The following PDZD2 variants were observed in gnomAD, a reference collection of about 807,000 sequenced individuals.
PDZD2 encodes the protein PDZ domain containing 2, also known as PDZ domain-containing protein 2.
In PDZD2, 90 loss-of-function variants were observed where a neutral mutation model predicts 220.7. That is an observed-to-expected ratio of 0.41 (90% CI 0.34 to 0.49). PDZD2 has a LOEUF of 0.49. Ranked by LOEUF, PDZD2 falls within the 20% of genes least tolerant of loss-of-function variation. The probability of loss-of-function intolerance (pLI) is 0.28; values close to 1 mark genes in which losing one functional copy is unlikely to be tolerated. For missense variants in PDZD2, 3,174 were observed against 3,608.5 expected (o/e 0.88, Z 3.08); for synonymous variants, 1,375 against 1,450.5 (o/e 0.95, Z 1.18).
chr5:31,728,023 A>T (rs1462635034), intron 1 of PDZD2, among the ~76,000 whole-genome samples: 1 of 139,902 alleles, frequency 7.1e-6, no homozygotes, highest in Non-Finnish European at 1.6e-5. Flanking sequence ...AAAAAAAAAG[A>T]TCAGGCAGAA....
chr5:32,052,335 G>A (rs542453010), intron 8 of PDZD2, among the ~76,000 whole-genome samples: 22 of 152,242 alleles, frequency 1.4e-4, no homozygotes, highest in South Asian at 4.1e-4. Context: ...TATTAGAGCC[G>A]GGGTTTCACC....
intron 2 of PDZD2, among the ~76,000 whole-genome samples, chr5:31,850,051 CGT>C (rs1757917307): frequency 1.5e-5 from 1 of 68,080 alleles, no homozygotes; most frequent in East Asian, 2.7e-4. Flanking sequence ...TATATATATA[CGT>C]GTATATATAA....
chr5:31,774,921 G>C (rs968823973), intron 1 of PDZD2, among the ~76,000 whole-genome samples: 1 of 152,126 alleles, frequency 6.6e-6, no homozygotes, highest in African/African-American at 2.4e-5. Flanking sequence ...GGCAGGGAGG[G>C]GCCATCCTGA....
intron 2 of PDZD2, among the ~76,000 whole-genome samples, chr5:31,860,683 G>A (rs7700791): frequency 0.11 from 16,420 of 152,180 alleles, 1,276 homozygotes; most frequent in East Asian, 0.41. Flanking sequence ...AAAACCAGCC[G>A]CTGAAGAATG....
At chr5:31,895,022 T>C (rs1237035079) in intron 2 of PDZD2, among the ~76,000 whole-genome samples, 2 of 152,168 alleles carry the variant, frequency 1.3e-5, no homozygotes, top group East Asian at 3.9e-4. Context: ...CCCGAGTAGC[T>C]GGGATTACAG....
intron 2 of PDZD2, among the ~76,000 whole-genome samples, chr5:31,845,254 C>A (rs989227592): frequency 2.0e-5 from 3 of 152,158 alleles, no homozygotes; most frequent in African/African-American, 2.4e-5. Flanking sequence ...CCTCAACAAG[C>A]CTTTAAGGTA....
chr5:32,102,634 C>T (rs1469518015), intron 24 of PDZD2, among the ~76,000 whole-genome samples: 1 of 151,926 alleles, frequency 6.6e-6, no homozygotes. Context: ...CTATAAGAGC[C>T]CTCACAACAG....
rs543907642 is a variant in PDZD2 at position 31,923,602 on chromosome 5, G to A, written c.477-59553G>A. 896 of 750,100 alleles carry A rather than the reference G, an allele frequency of 1.2e-3. 3 individuals are homozygous for A. Among genetic ancestry groups the A allele is most frequent in the Non-Finnish European group, 1.8e-3 (739 of 405,602 alleles). 46.5% of individuals were successfully genotyped at this position (750,100 alleles called of 1,614,324 possible). On this transcript the variant is annotated intron_variant, in intron 2 of 24. Transcript: ENST00000438447. ...GCATGAAAGATGTGTGCTCTGGCTC[G>A]GATAAGAGATGGGACATCATTCAGT...
At chr5:31,775,926 G>C (rs563599092) in intron 1 of PDZD2, among the ~76,000 whole-genome samples, 6 of 152,160 alleles carry the variant, frequency 3.9e-5, no homozygotes, top group African/African-American at 1.2e-4. Flanking sequence ...TTTGACTAAG[G>C]CTTCATGAGT....
chr5:31,681,999 AG>A (rs1247318512), intron 1 of PDZD2, among the ~76,000 whole-genome samples: 1 of 152,234 alleles, frequency 6.6e-6, no homozygotes, highest in African/African-American at 2.4e-5. Flanking sequence ...GGACCAAAAG[AG>A]GGCTGTAATT....
At position 32,052,603 on chromosome 5, in the gene PDZD2, A is replaced by C; in HGVS notation, c.1666-8A>C. On this transcript the variant is annotated splice_polypyrimidine_tract_variant and splice_region_variant and intron_variant, in intron 8 of 24. Transcript: ENST00000438447. ...TAATCTCTGACCTTGCCGTGTGCTG[A>C]CTTTTAGGAATACCACATTGTGAAG... The C allele has an allele frequency of 5.6e-6, 9 of 1,613,634 alleles. No individual in the cohort carries two copies. Among genetic ancestry groups the C allele is most frequent in the Non-Finnish European group, 7.6e-6 (9 of 1,179,546 alleles).
At chr5:32,040,704 T>G (rs1198660504) in intron 7 of PDZD2, among the ~76,000 whole-genome samples, 1 of 121,822 alleles carries the variant, frequency 8.2e-6, no homozygotes, top group Non-Finnish European at 1.7e-5. Context: ...TCTGCCTGGC[T>G]GCCCTGTCTA....
At chr5:31,840,517 G>A in intron 2 of PDZD2, 1 of 544,110 alleles carries the variant, frequency 1.8e-6, no homozygotes, top group Admixed American at 2.6e-5. Flanking sequence ...ATAGGGAATG[G>A]GTTCCAGCAG....
intron 2 of PDZD2, among the ~76,000 whole-genome samples, chr5:31,863,035 C>T (rs1021924227): frequency 9.2e-5 from 14 of 152,172 alleles, no homozygotes; most frequent in African/African-American, 3.1e-4. Context: ...TGAGCCATGG[C>T]GCCCAGCCAA....
intron 2 of PDZD2, among the ~76,000 whole-genome samples, chr5:31,862,471 T>C (rs969129379): frequency 6.6e-6 from 1 of 152,104 alleles, no homozygotes; most frequent in Non-Finnish European, 1.5e-5. Context: ...TGCACACCTA[T>C]ATCCCCAGGA....
At position 32,090,999 on chromosome 5, in the gene PDZD2, C is replaced by T. The variant is rs993272503; in HGVS notation, c.7551C>T (p.Thr2517=). ...AVLFKTELEI[T]PRRSPGPPAG... ...TCTTCAAAACTGAGCTGGAGATCAC[C>T]CCCAGGAGGTCACCTGGCCCTCCTG... The change falls in exon 20 of 25, where the codon ACC becomes ACT. Residue 2517 remains threonine (T), a synonymous_variant. Transcript: ENST00000438447. The surrounding 1 kb of genome is among the most constrained non-coding windows in gnomAD (Gnocchi z 4.3). 7 of 1,613,762 alleles carry T rather than the reference C, an allele frequency of 4.3e-6. No individual in the cohort carries two copies. In the African/African-American group the frequency reaches 8.0e-5, roughly 18 times the overall value.
At chr5:31,807,907 G>A (rs1167879304) in intron 2 of PDZD2, among the ~76,000 whole-genome samples, 1 of 152,218 alleles carries the variant, frequency 6.6e-6, no homozygotes, top group Non-Finnish European at 1.5e-5. Context: ...CTTCAGCACA[G>A]TACCCGCTGC....
At chr5:31,767,318 C>T (rs188727976) in intron 1 of PDZD2, among the ~76,000 whole-genome samples, 1 of 152,310 alleles carries the variant, frequency 6.6e-6, no homozygotes, top group African/African-American at 2.4e-5. Context: ...AGGCGTGAGC[C>T]ACCACGCCCA....
chr5:31,920,099 C>A (rs960394246), intron 2 of PDZD2, among the ~76,000 whole-genome samples: 2 of 150,986 alleles, frequency 1.3e-5, no homozygotes, highest in Non-Finnish European at 3.0e-5. Context: ...GCCTGGGCAA[C>A]GTGACAAAAC....
Sources: allele counts gnomAD v4.1 joint callset (sites outside exome capture counted in the v4.1 genomes callset), GRCh38; gene constraint gnomAD v4.1.1; non-coding constraint Gnocchi (gnomAD v3.1); transcripts MANE v1.5; gene names NCBI Gene and HGNC (gene_info 2026-07-23, HGNC 2026-07-21).